The following FAM91A1 variants were observed in gnomAD, a reference collection of about 807,000 sequenced individuals.
FAM91A1 encodes family with sequence similarity 91 member A1.
FAM91A1 carries 41 observed loss-of-function variants against 113.5 expected under a neutral mutation model. The ratio of observed to expected loss-of-function variants is 0.36; its 90% CI spans 0.28 to 0.47. The LOEUF (loss-of-function observed/expected upper bound fraction) is 0.47. FAM91A1 is among the 20% of genes least tolerant of loss of function. The pLI is 1.00. For missense variants in FAM91A1, 696 were observed against 1,001.2 expected, an observed-to-expected ratio of 0.70 and a Z score of 4.11; for synonymous variants, 307 against 347.9, an observed-to-expected ratio of 0.88 and a Z score of 1.31.
intron 1 of FAM91A1, among the ~76,000 whole-genome samples, chr8:123,769,329 G>A (rs981472859): frequency 9.2e-5 from 14 of 152,312 alleles, no homozygotes; most frequent in Non-Finnish European, 1.9e-4. Flanking sequence ...GCTTGGATGA[G>A]TGAAAGAACA....
At chr8:123,797,244 C>CTTTTTTTTTTTTTTTTT (rs1563645242) in intron 15 of FAM91A1, among the ~76,000 whole-genome samples, 1 of 152,134 alleles carries the variant, frequency 6.6e-6, no homozygotes, top group African/African-American at 2.4e-5. Flanking sequence ...TTCAAGACTG[C>CTTTTTTTTTTTTTTTTT]TTTTGACTTA....
At chr8:123,787,193 C>G (rs987173643) in intron 12 of FAM91A1, 68 bp from the exon 13 acceptor site, 4 of 1,195,674 alleles carry the variant, frequency 3.3e-6, no homozygotes, top group Non-Finnish European at 4.9e-6. Context: ...AAATGAAATA[C>G]TTTCACTCCA....
intron 12 of FAM91A1, 117 bp downstream of exon 12, chr8:123,786,727 T>C (rs1239068111): frequency 2.5e-6 from 2 of 799,320 alleles, no homozygotes; most frequent in African/African-American, 3.4e-5. Context: ...ACGCAGTCTT[T>C]GAGTGTTTTA....
chr8:123,773,404 C>G (rs545481803), intron 1 of FAM91A1, among the ~76,000 whole-genome samples: 165 of 152,320 alleles, frequency 1.1e-3, no homozygotes, highest in Non-Finnish European at 1.9e-3. Flanking sequence ...TTTATGGTCT[C>G]CCAGTGAATA....
chr8:123,812,530 A>C lies in FAM91A1; in HGVS notation c.2343A>C (p.Ser781=). ...NFVHSFQEGA[S]ILDIHTEPSF... The stretch of plus-strand genomic sequence containing the variant: ...TCTTGATCTTTTAGGAAGGTGCTTC[A>C]ATATTGGATATTCACACAGAGCCCA... Residue 781 remains serine (S), a synonymous_variant, in exon 24 of 24, where the codon TCA becomes TCC. Coordinates refer to ENST00000334705, the MANE Select transcript of FAM91A1 (RefSeq NM_144963.4). The C allele has an allele frequency of 6.3e-7, 1 of 1,581,378 alleles. No individual in the cohort carries two copies. Among genetic ancestry groups the C allele is most frequent in the African/African-American group, 1.4e-5 (1 of 72,872 alleles).
intron 12 of FAM91A1, 53 bp from the exon 13 acceptor site, chr8:123,787,208 G>A (rs1172178214): frequency 3.0e-6 from 4 of 1,343,816 alleles, no homozygotes; most frequent in Non-Finnish European, 4.2e-6. Flanking sequence ...ACTCCAAATG[G>A]TAAGCAAAGA....
At chr8:123,768,838 C>A in intron 1 of FAM91A1, 64 bp downstream of exon 1, 2 of 1,534,496 alleles carry the variant, frequency 1.3e-6, no homozygotes, top group Non-Finnish European at 1.8e-6. Context: ...CACCTGCTTG[C>A]CTCGCTCGCG....
chr8:123,768,456 C>G lies in FAM91A1; in HGVS notation c.-247C>G, dbSNP rs1170218872. 1 of 428,308 alleles carries G rather than the reference C, an allele frequency of 2.3e-6. No individual in the cohort carries two copies. The highest frequency in any genetic ancestry group is 4.1e-6 in the Non-Finnish European group (1 of 242,804). The allele number at this position is 428,308 out of a possible 1,614,324, so 26.5% of individuals were successfully genotyped here. A position where few individuals can be genotyped will look rare whatever the true frequency, so the allele number is the denominator to read the frequency against. On this transcript the variant is annotated 5_prime_UTR_variant, in exon 1 of 24. Coordinates refer to ENST00000334705, the MANE Select transcript of FAM91A1 (RefSeq NM_144963.4). ...GTGTGCCCAGAGCCATTTCCGGCGG[C>G]CCGAAACTAGGAAGAAACTTGGAGC...
At chr8:123,788,659 A>G (rs1815314533) in intron 14 of FAM91A1, among the ~76,000 whole-genome samples, 2 of 152,038 alleles carry the variant, frequency 1.3e-5, no homozygotes, top group Admixed American at 6.6e-5. Context: ...ATTGTATATT[A>G]TCTTCTACTA....
intron 1 of FAM91A1, among the ~76,000 whole-genome samples, chr8:123,773,656 A>G (rs1481534637): frequency 1.3e-5 from 2 of 152,224 alleles, no homozygotes; most frequent in African/African-American, 2.4e-5. Flanking sequence ...ACAATTATCA[A>G]AGAGGGATGT....
intron 18 of FAM91A1, 74 bp downstream of exon 18, chr8:123,799,959 T>C: frequency 8.7e-7 from 1 of 1,152,378 alleles, no homozygotes; most frequent in Non-Finnish European, 1.2e-6. Flanking sequence ...TATATTGAGT[T>C]GCAATAAAAT....
intron 20 of FAM91A1, 123 bp downstream of exon 20, chr8:123,806,352 C>A: frequency 9.7e-7 from 1 of 1,032,778 alleles, no homozygotes; most frequent in Non-Finnish European, 1.4e-6. Flanking sequence ...AATATTCTTT[C>A]ACTGAAGCAC....
rs767039912 is a variant in FAM91A1 at position 123,777,361 on chromosome 8, T to A, written c.367+39T>A. 3.2e-6 allele frequency: 5 copies of A among 1,539,418 alleles called. No homozygotes were observed. In the Admixed American group the frequency reaches 8.9e-5, roughly 27 times the overall value. ...TGTGCTGAAGAAGGTAATGTTTAGG[T>A]TGTGTCTTTGTGCATCCTGTCATCT... is the stretch of plus-strand genomic sequence containing the variant. On this transcript the variant is annotated intron_variant, in intron 4 of 23. Transcript: ENST00000334705.
At position 123,808,987 on chromosome 8, in the gene FAM91A1, T is replaced by C. The variant is rs1815881942; in HGVS notation, c.2232T>C (p.Ile744=). ...TAAACCGGAAAGTTTGTAGGAAAAT[T>C]GCTGCACATGGCCTTTGCAGAAAAG... is the stretch of plus-strand genomic sequence containing the variant. ...SELNRKVCRK[I]AAHGLCRKES... Residue 744 remains isoleucine (I), a synonymous_variant, in exon 22 of 24, where the codon ATT becomes ATC. Coordinates refer to ENST00000334705, the MANE Select transcript of FAM91A1 (RefSeq NM_144963.4). The C allele has an allele frequency of 6.2e-7, 1 of 1,613,146 alleles. No individual in the cohort carries two copies. The highest frequency in any genetic ancestry group is 1.7e-5 in the Admixed American group (1 of 59,984).
At chr8:123,805,365 C>CTT (rs71576705) in intron 19 of FAM91A1, 26 bp downstream of exon 19, 690 of 1,252,690 alleles carry the variant, frequency 5.5e-4, no homozygotes, top group South Asian at 7.9e-4. Flanking sequence ...TATCTATTGA[C>CTT]TTTTTTTTTT....
chr8:123,807,480 C>CAA (rs546080328), intron 20 of FAM91A1, among the ~76,000 whole-genome samples: 616 of 58,740 alleles, frequency 0.01, 6 homozygotes, highest in Middle Eastern at 0.026. Flanking sequence ...CCTGTCTCTA[C>CAA]AAAAAAAAAA....
intron 1 of FAM91A1, among the ~76,000 whole-genome samples, chr8:123,770,603 C>A (rs982999084): frequency 1.3e-5 from 2 of 152,086 alleles, no homozygotes; most frequent in African/African-American, 2.4e-5. Flanking sequence ...TCTTTGTTTC[C>A]ATTTTTTCTC....
At chr8:123,786,124 A>G (rs971490242) in intron 11 of FAM91A1, 5 of 241,646 alleles carry the variant, frequency 2.1e-5, no homozygotes, top group Non-Finnish European at 1.6e-5. Context: ...TGGCCCAGAA[A>G]TTTTATTTAT....
Position 123,806,088 on chromosome 8 carries a change from CGT to C in FAM91A1, c.1894_1895del (p.Val632GlnfsTer6). 6.3e-7 allele frequency: 1 copy of C among 1,590,058 alleles called. No individual in the cohort carries two copies. Among genetic ancestry groups the C allele is most frequent in the Non-Finnish European group, 8.6e-7 (1 of 1,165,796 alleles). ...GTCCGTTCTGTTTGTAGAGTTCACT[CGT>C]GTCAATATGGGTGTTCATAAAGCAT... Reference protein sequence around the residue: ...DETELQGEFTRVNMGVHKALQ... With the variant: ...DETELQGEFTXVNMGVHKALQ... On this transcript the variant is annotated frameshift_variant, in exon 20 of 24. Coordinates refer to ENST00000334705, the MANE Select transcript of FAM91A1 (RefSeq NM_144963.4). LOFTEE classifies it high-confidence loss of function.
Sources: gnomAD v4.1 joint callset for allele counts (sites outside exome capture counted in the v4.1 genomes callset) on GRCh38, gnomAD v4.1.1 for gene constraint, MANE v1.5 for transcripts, NCBI Gene and HGNC (gene_info 2026-07-23, HGNC 2026-07-21) for gene names.